The following GARS1 variants were observed in gnomAD, a reference collection of about 807,000 sequenced individuals.
GARS1 encodes glycyl-tRNA synthetase 1.
GARS1 carries 46 observed loss-of-function variants against 86.4 expected under a neutral mutation model. That is an observed-to-expected ratio of 0.53 (90% CI 0.42 to 0.68). The LOEUF (loss-of-function observed/expected upper bound fraction) is 0.68. Among genes scored for constraint, GARS1 ranks in the 30% least tolerant of loss-of-function variants. The probability of loss-of-function intolerance (pLI) is 0.00; values close to 1 mark genes in which losing one functional copy is unlikely to be tolerated. For synonymous variants in GARS1, 342 were observed against 329.8 expected (o/e 1.04, Z -0.40); for missense variants, 797 against 915.6 (o/e 0.87, Z 1.67).
intron 14 of GARS1, among the ~76,000 whole-genome samples, chr7:30,630,285 C>G (rs1435940719): frequency 6.6e-6 from 1 of 152,178 alleles, no homozygotes; most frequent in Admixed American, 6.5e-5. Context: ...TGGTGGAATA[C>G]AGGCCTTACT....
intron 5 of GARS1, 125 bp downstream of exon 5, chr7:30,603,247 A>G: frequency 1.2e-6 from 1 of 804,232 alleles, no homozygotes. Context: ...CACAGATCTT[A>G]AGTATATAGA....
chr7:30,612,294 A>G, intron 8 of GARS1, 49 bp downstream of exon 8: 2 of 1,552,924 alleles, frequency 1.3e-6, no homozygotes, highest in African/African-American at 1.4e-5. Flanking sequence ...TTGGCATTGC[A>G]TTGAAAATGA....
Position 30,595,148 on chromosome 7 carries a change from C to T in GARS1, c.222+5C>T, listed in dbSNP as rs2072236. On this transcript the variant is annotated splice_donor_5th_base_variant and intron_variant, in intron 1 of 16. Transcript: ENST00000389266. ...AGGCTAGCAGTGCGCCAGCAGGTAC[C>T]GGTGTTTTGCGCTCTCCGCTAAGCC... 151,136 of 1,535,676 alleles carry T rather than the reference C, an allele frequency of 0.098. 8,528 individuals are homozygous for T. Among genetic ancestry groups the T allele is most frequent in the East Asian group, 0.19 (7,854 of 40,926 alleles).
intron 6 of GARS1, among the ~76,000 whole-genome samples, chr7:30,604,423 T>C (rs1791442636): frequency 6.6e-6 from 1 of 152,158 alleles, no homozygotes; most frequent in Non-Finnish European, 1.5e-5. Context: ...CTATTTTCTT[T>C]ACACCGATCT....
intron 10 of GARS1, among the ~76,000 whole-genome samples, chr7:30,619,411 C>T (rs1782952973): frequency 6.6e-6 from 1 of 151,958 alleles, no homozygotes; most frequent in African/African-American, 2.4e-5. Flanking sequence ...AAAAATTTAC[C>T]GTTGCAGTTA....
chr7:30,604,293 C>T (rs917753382), intron 6 of GARS1, among the ~76,000 whole-genome samples: 7 of 152,110 alleles, frequency 4.6e-5, no homozygotes, highest in Non-Finnish European at 7.4e-5. Context: ...TTGGCTATTC[C>T]GTTTAGGCAA....
At chr7:30,603,785 C>T (rs1394953167) in intron 6 of GARS1, among the ~76,000 whole-genome samples, 1 of 152,144 alleles carries the variant, frequency 6.6e-6, no homozygotes. Context: ...ACTAACAAGT[C>T]CGTGTTAATA....
intron 10 of GARS1, 28 bp from the exon 11 acceptor site, chr7:30,621,365 A>G (rs1252468765): frequency 6.4e-7 from 1 of 1,563,534 alleles, no homozygotes; most frequent in African/African-American, 1.4e-5. Flanking sequence ...ATAAGTAAGT[A>G]ATGTTTTTAT....
intron 9 of GARS1, among the ~76,000 whole-genome samples, chr7:30,616,401 G>A (rs1317321677): frequency 1.3e-5 from 2 of 152,148 alleles, no homozygotes; most frequent in Admixed American, 1.3e-4. Context: ...AAGCCATCTG[G>A]GTTTCAGACT....
At chr7:30,605,843 T>G (rs571066138) in intron 6 of GARS1, among the ~76,000 whole-genome samples, 1 of 152,346 alleles carries the variant, frequency 6.6e-6, no homozygotes, top group Non-Finnish European at 1.5e-5. Context: ...TCATCAAATA[T>G]TTGATCAGTG....
In GARS1 at chr7:30,621,285, G is replaced by A. The variant is rs545308205; in HGVS notation, c.1360-108G>A. On this transcript the variant is annotated intron_variant, in intron 10 of 16. Coordinates refer to ENST00000389266, the MANE Select transcript of GARS1 (RefSeq NM_002047.4). ...AAATTTGAATGAAGATTATATCATCGAATTATCATTGAATATATGAAAGGT... is the reference window on the plus strand; with the variant it reads ...AAATTTGAATGAAGATTATATCATCAAATTATCATTGAATATATGAAAGGT... 2.3e-5 allele frequency: 21 copies of A among 908,966 alleles called. 1 individual carries two copies. The highest frequency in any genetic ancestry group is 5.1e-5 in the East Asian group (2 of 39,596). The allele number at this position is 908,966 out of a possible 1,614,324, so 56.3% of individuals were successfully genotyped here.
intron 1 of GARS1, among the ~76,000 whole-genome samples, chr7:30,597,173 T>G (rs531550081): frequency 6.6e-6 from 1 of 152,278 alleles, no homozygotes; most frequent in African/African-American, 2.4e-5. Flanking sequence ...TTAACAAACG[T>G]GGATTTTTTT....
Position 30,628,670 on chromosome 7 carries a change from G to A in GARS1, c.1809+1G>A, listed in dbSNP as rs1554340340. ...ACGAGAAGGAGATGAACAGAGAACA[G>A]TAAGTTGTTGTGTACAGTGTGCTGT... On this transcript the variant is annotated splice_donor_variant, in intron 14 of 16. Coordinates refer to ENST00000389266, the MANE Select transcript of GARS1 (RefSeq NM_002047.4). LOFTEE classifies it high-confidence loss of function. The A allele has an allele frequency of 6.3e-7, 1 of 1,587,344 alleles. No individual in the cohort carries two copies. The highest frequency in any genetic ancestry group is 8.7e-7 in the Non-Finnish European group (1 of 1,155,842).
intron 10 of GARS1, among the ~76,000 whole-genome samples, chr7:30,620,839 C>G (rs926845859): frequency 6.6e-6 from 1 of 152,122 alleles, no homozygotes; most frequent in African/African-American, 2.4e-5. Flanking sequence ...ACACTAGGTA[C>G]TTCATCTAAA....
chr7:30,599,538 G>A (rs1247090804), intron 2 of GARS1, among the ~76,000 whole-genome samples: 2 of 152,122 alleles, frequency 1.3e-5, no homozygotes, highest in East Asian at 1.9e-4. Context: ...AAGTAGCTGG[G>A]ATTACAGGTG....
chr7:30,613,855 T>G (rs1260435949), intron 8 of GARS1, among the ~76,000 whole-genome samples: 3 of 152,252 alleles, frequency 2.0e-5, no homozygotes, highest in Admixed American at 1.3e-4. Flanking sequence ...TTCTTCTTGA[T>G]GGCAGAGTTC....
At chr7:30,628,064 G>C (rs1783161202) in intron 13 of GARS1, among the ~76,000 whole-genome samples, 1 of 152,028 alleles carries the variant, frequency 6.6e-6, no homozygotes, top group African/African-American at 2.4e-5. Context: ...TCTCTTCAAA[G>C]GCATGTTTCC....
intron 6 of GARS1, among the ~76,000 whole-genome samples, chr7:30,603,959 C>T (rs909141726): frequency 1.3e-5 from 2 of 152,144 alleles, no homozygotes; most frequent in Non-Finnish European, 2.9e-5. Flanking sequence ...TCTGCTTGGA[C>T]CCTGATTTCA....
At chr7:30,614,136 A>C (rs555832689) in intron 8 of GARS1, 4 of 152,184 alleles carry the variant, frequency 2.6e-5, no homozygotes, top group African/African-American at 9.7e-5. Context: ...TATGATTTCA[A>C]GTCACACAGT....
Sources: gnomAD v4.1 joint callset for allele counts (sites outside exome capture counted in the v4.1 genomes callset) on GRCh38, gnomAD v4.1.1 for gene constraint, MANE v1.5 for transcripts, NCBI Gene and HGNC (gene_info 2026-07-23, HGNC 2026-07-21) for gene names.